The following COL5A1 variants were observed in gnomAD, a reference collection of about 807,000 sequenced individuals.
COL5A1 encodes collagen type V alpha 1 chain.
A neutral mutation model predicts 263.7 loss-of-function variants in COL5A1; 16 were observed. The ratio of observed to expected loss-of-function variants is 0.06; its 90% confidence interval spans 0.04 to 0.09. The LOEUF is 0.09. Ranked by LOEUF, COL5A1 falls within the 10% of genes least tolerant of loss-of-function variation. The probability of loss-of-function intolerance (pLI) is 1.00; values close to 1 mark genes in which losing one functional copy is unlikely to be tolerated. For missense variants in COL5A1, 2,036 were observed against 2,540.5 expected (o/e 0.80, Z 4.27); for synonymous variants, 1,012 against 1,004.5 (o/e 1.01, Z -0.14).
intron 23 of COL5A1, 116 bp from the exon 24 acceptor site, chr9:134,767,193 AC>A: frequency 7.0e-7 from 1 of 1,425,132 alleles, no homozygotes; most frequent in Non-Finnish European, 9.9e-7. Context: ...GGAGACTAGG[AC>A]CTGGGTTGGT....
chr9:134,826,086 TAATAA>T (rs1332777968), intron 63 of COL5A1, among the ~76,000 whole-genome samples, 182 bp downstream of exon 63: 2 of 152,214 alleles, frequency 1.3e-5, no homozygotes, highest in African/African-American at 4.8e-5. Flanking sequence ...AATTTTTTAG[TAATAA>T]AATAGGTTTG....
At chr9:134,712,938 T>G (rs576414984) in intron 4 of COL5A1, among the ~76,000 whole-genome samples, 13 of 152,180 alleles carry the variant, frequency 8.5e-5, no homozygotes, top group African/African-American at 3.1e-4. Flanking sequence ...GAAGGGCCTG[T>G]GGGTGACCAG....
rs532558841 is a variant in COL5A1, at chr9:134,716,406, C to T, written c.655-10860C>T. On this transcript the variant is annotated intron_variant, in intron 4 of 65. Transcript: ENST00000371817. The surrounding 1 kb of genome is among the most constrained non-coding windows in gnomAD (Gnocchi z 4.5). ...CCGAGTGAACATCCCCTGTGCTCAG[C>T]GATGCCCCGTGTGCCATAAAACAGT... Among the ~76,000 whole-genome samples, 20 of 152,118 alleles carry T rather than the reference C, an allele frequency of 1.3e-4. No homozygotes were observed. The highest frequency in any genetic ancestry group is 2.6e-4 in the Non-Finnish European group (18 of 68,024).
chr9:134,760,764 CACGA>C (rs920945610), intron 18 of COL5A1, among the ~76,000 whole-genome samples: 5 of 145,090 alleles, frequency 3.4e-5, no homozygotes, highest in African/African-American at 7.8e-5. Flanking sequence ...CCCACACATA[CACGA>C]ACACCACCTA....
rs968958897 is a variant in COL5A1 at position 134,821,331 on chromosome 9, T to C, written c.4555-766T>C. ...GGGTTGGTGTGCAGGCTTGGGTAGT[T>C]GTGGGGTCCTTACAATGAGCCACAG... On this transcript the variant is annotated intron_variant, in intron 58 of 65. Transcript: ENST00000371817. This position sits in a 1 kb window ranked among gnomAD's most constrained non-coding sequence, Gnocchi z 4.2. Among the ~76,000 whole-genome samples the C allele has an allele frequency of 1.3e-5, 2 of 152,190 alleles. No homozygotes were observed. Among genetic ancestry groups the C allele is most frequent in the Non-Finnish European group, 2.9e-5 (2 of 68,000 alleles).
At chr9:134,824,997 G>C in intron 62 of COL5A1, 142 bp downstream of exon 62, 1 of 1,229,902 alleles carries the variant, frequency 8.1e-7, no homozygotes, top group Non-Finnish European at 1.1e-6. Context: ...GTGGGGCCGG[G>C]GTGCGCAAGA....
chr9:134,756,909 G>T, intron 17 of COL5A1, 91 bp downstream of exon 17: 1 of 1,269,040 alleles, frequency 7.9e-7, no homozygotes, highest in South Asian at 1.2e-5. Flanking sequence ...GTTATGTGAT[G>T]ACTACGATTA....
chr9:134,707,934 C>T (rs972666688), intron 4 of COL5A1, among the ~76,000 whole-genome samples: 8 of 152,200 alleles, frequency 5.3e-5, no homozygotes, highest in African/African-American at 1.4e-4. Context: ...GTGCGGCTGG[C>T]GGCTCCGGGA....
rs1832839623 is a variant in COL5A1, at chr9:134,681,051, T to C, written c.110-9861T>C. Among the ~76,000 whole-genome samples, 1 of 152,074 alleles carries C rather than the reference T, an allele frequency of 6.6e-6. No individual in the cohort carries two copies. ...CATTTCCCACCCCCTGCCCCTTTGCTTTGCTCCCTGGTTTAGTCATTGAGG... is the reference window on the plus strand; with the variant it reads ...CATTTCCCACCCCCTGCCCCTTTGCCTTGCTCCCTGGTTTAGTCATTGAGG... On this transcript the variant is annotated intron_variant, in intron 1 of 65. Coordinates refer to ENST00000371817, the MANE Select transcript of COL5A1 (RefSeq NM_000093.5). This position sits in a 1 kb window ranked among gnomAD's most constrained non-coding sequence, Gnocchi z 4.3.
chr9:134,796,417 G>A lies in COL5A1; in HGVS notation c.2843G>A (p.Arg948Gln), dbSNP rs574551567. 9 of 1,614,098 alleles carry A rather than the reference G, an allele frequency of 5.6e-6. No individual in the cohort carries two copies. The highest frequency in any genetic ancestry group is 3.3e-5 in the South Asian group (3 of 91,084). Residue 948 changes from arginine to glutamine, a missense_variant and splice_region_variant, in exon 35 of 66, where the codon CGG becomes CAG. Transcript: ENST00000371817. Reference sequence around the variant, plus strand: ...GGCCCAGCTGGCCCTCCTGGTGAACGGGTAAGCAGCTGGAGCCTTCGGGGG... The same window carrying A: ...GGCCCAGCTGGCCCTCCTGGTGAACAGGTAAGCAGCTGGAGCCTTCGGGGG... ...GDGPAGPPGERGPNGPQGPTG... is the reference protein window; with the variant it reads ...GDGPAGPPGEQGPNGPQGPTG...
At chr9:134,811,878 C>T (rs1226402878) in intron 46 of COL5A1, among the ~76,000 whole-genome samples, 2 of 152,220 alleles carry the variant, frequency 1.3e-5, no homozygotes, top group Admixed American at 1.3e-4. Context: ...AAATGCACCT[C>T]CTAGAGATGA....
At chr9:134,735,427 G>C (rs780145390) in intron 9 of COL5A1, among the ~76,000 whole-genome samples, 4 of 150,540 alleles carry the variant, frequency 2.7e-5, no homozygotes, top group Non-Finnish European at 5.9e-5. Context: ...TTTTCCTCTC[G>C]TTCCTCTTTC....
chr9:134,712,012 TC>T, intron 4 of COL5A1, among the ~76,000 whole-genome samples: 1 of 75,172 alleles, frequency 1.3e-5, no homozygotes, highest in Non-Finnish European at 2.5e-5. Context: ...CTCCTTCCTG[TC>T]CCCCTCCTTC....
chr9:134,817,225 T>G, intron 53 of COL5A1, 146 bp downstream of exon 53: 1 of 729,486 alleles, frequency 1.4e-6, no homozygotes. Flanking sequence ...CCACTTAGCC[T>G]CGGCCACATC....
chr9:134,643,982 G>C (rs917008091), intron 1 of COL5A1, among the ~76,000 whole-genome samples: 13 of 152,120 alleles, frequency 8.5e-5, no homozygotes, highest in African/African-American at 2.7e-4. Context: ...TAATCGAAGT[G>C]CGGCTCGTTG....
At chr9:134,779,188 G>A (rs141841196) in intron 27 of COL5A1, among the ~76,000 whole-genome samples, 9 of 152,350 alleles carry the variant, frequency 5.9e-5, no homozygotes, top group East Asian at 3.9e-4. Context: ...CAAGTCCCAC[G>A]GGCAGGTGGC....
Position 134,785,980 on chromosome 9 carries a change from T to C in COL5A1, c.2593-15T>C, listed in dbSNP as rs747677530. ...ATACCGTGCTGGCCATTAATGCAAC[T>C]CTTTCTTCCCCCAGGGAAAACTCGG... On this transcript the variant is annotated splice_polypyrimidine_tract_variant and intron_variant, in intron 30 of 65. Coordinates refer to ENST00000371817, the MANE Select transcript of COL5A1 (RefSeq NM_000093.5). 3.7e-5 allele frequency: 59 copies of C among 1,611,766 alleles called. No homozygotes were observed. Among genetic ancestry groups the C allele is most frequent in the Non-Finnish European group, 4.9e-5 (58 of 1,178,500 alleles).
intron 42 of COL5A1, 73 bp from the exon 43 acceptor site, chr9:134,809,110 T>G: frequency 2.4e-6 from 3 of 1,263,808 alleles, no homozygotes; most frequent in African/African-American, 1.5e-5. Context: ...ATCCCTCTCT[T>G]GGGTAATGAG....
intron 1 of COL5A1, among the ~76,000 whole-genome samples, chr9:134,672,934 C>T (rs905243336): frequency 1.1e-4 from 17 of 152,150 alleles, no homozygotes; most frequent in African/African-American, 4.1e-4. Context: ...ATATAAAATA[C>T]TTAGAGATAT....
Sources: gnomAD v4.1 joint callset for allele counts (sites outside exome capture counted in the v4.1 genomes callset) on GRCh38, gnomAD v4.1.1 for gene constraint, Gnocchi (gnomAD v3.1) non-coding constraint, MANE v1.5 for transcripts, NCBI Gene and HGNC (gene_info 2026-07-23, HGNC 2026-07-21) for gene names.